DPP6: variants seen among roughly 807,000 people sequenced by gnomAD.
The protein encoded by DPP6 is dipeptidyl peptidase like 6.
DPP6 carries 69 observed loss-of-function variants against 122.6 expected under a neutral mutation model. That is an observed-to-expected ratio of 0.56 (90% CI 0.46 to 0.69). The LOEUF (loss-of-function observed/expected upper bound fraction) is 0.69, where lower values mean the gene tolerates loss of function less well. Among genes scored for constraint, DPP6 ranks in the 30% least tolerant of loss-of-function variants. The probability of loss-of-function intolerance (pLI) is 0.00; values close to 1 mark genes in which losing one functional copy is unlikely to be tolerated. For synonymous variants in DPP6, 418 were observed against 433.1 expected, an observed-to-expected ratio of 0.97 and a Z score of 0.43; for missense variants, 928 against 1,116.9, an observed-to-expected ratio of 0.83 and a Z score of 2.41.
intron 7 of DPP6, among the ~76,000 whole-genome samples, chr7:154,702,871 C>T (rs1840601880): frequency 6.6e-6 from 1 of 152,206 alleles, no homozygotes; most frequent in African/African-American, 2.4e-5. Flanking sequence ...AAGATGATGC[C>T]ATCTAGGACT....
At chr7:153,838,606 A>G in the DPP6 span, among the ~76,000 whole-genome samples, 2 of 152,164 alleles carry the variant, frequency 1.3e-5, no homozygotes, top group African/African-American at 2.4e-5. Flanking sequence ...GAGAGGTTCC[A>G]CTGATTAAAA....
chr7:154,355,887 T>C (rs1811235100), intron 1 of DPP6, among the ~76,000 whole-genome samples: 1 of 152,202 alleles, frequency 6.6e-6, no homozygotes, highest in Admixed American at 6.5e-5. Context: ...ACTCACATAG[T>C]GGTTGAGATT....
intron 1 of DPP6, among the ~76,000 whole-genome samples, chr7:154,084,847 G>A (rs1395835477): frequency 4.0e-5 from 6 of 151,472 alleles, no homozygotes; most frequent in Non-Finnish European, 5.9e-5. Context: ...AAAATTAGCC[G>A]GGCATGGTGG....
intron 25 of DPP6, 91 bp from the exon 26 acceptor site, chr7:154,892,243 C>G: frequency 6.4e-7 from 1 of 1,561,376 alleles, no homozygotes. Context: ...GGACGGGGCC[C>G]AGGTTTCACT....
chr7:154,842,425 C>T (rs572965803), intron 16 of DPP6, among the ~76,000 whole-genome samples: 9 of 152,198 alleles, frequency 5.9e-5, no homozygotes, highest in Admixed American at 1.3e-4. Context: ...TTAATTACTT[C>T]GTTTTCCTCT....
chr7:154,778,255 TGGA>T (rs1446691850), intron 10 of DPP6, among the ~76,000 whole-genome samples: 1 of 152,122 alleles, frequency 6.6e-6, no homozygotes, highest in Non-Finnish European at 1.5e-5. Context: ...GAGCACCATG[TGGA>T]GACCTAGCAC....
At chr7:154,758,308 G>C (rs1182710906) in intron 8 of DPP6, among the ~76,000 whole-genome samples, 1 of 152,158 alleles carries the variant, frequency 6.6e-6, no homozygotes, top group Non-Finnish European at 1.5e-5. Flanking sequence ...GTTCTGTGTA[G>C]GACCACATGC....
At chr7:154,687,254 T>C (rs1839671280) in intron 7 of DPP6, among the ~76,000 whole-genome samples, 1 of 152,184 alleles carries the variant, frequency 6.6e-6, no homozygotes, top group South Asian at 2.1e-4. Flanking sequence ...TGTAATTGAG[T>C]CTTTTTCAGT....
intron 3 of DPP6, among the ~76,000 whole-genome samples, chr7:154,513,949 A>C (rs1471208870): frequency 1.3e-5 from 2 of 152,148 alleles, no homozygotes; most frequent in Non-Finnish European, 1.5e-5. Flanking sequence ...GTGATTTCCA[A>C]AGCCATAAAC....
chr7:154,383,542 G>A (rs1239070542), intron 1 of DPP6, among the ~76,000 whole-genome samples: 1 of 152,158 alleles, frequency 6.6e-6, no homozygotes, highest in Non-Finnish European at 1.5e-5. Flanking sequence ...ATAATTACAT[G>A]AAAAAATATG....
At chr7:153,917,939 A>G (rs1381097877) in intron 1 of DPP6, among the ~76,000 whole-genome samples, 1 of 152,212 alleles carries the variant, frequency 6.6e-6, no homozygotes, top group Non-Finnish European at 1.5e-5. Context: ...CAATTCAGAA[A>G]ATTACAGATT....
At chr7:153,851,022 C>T in the DPP6 span, among the ~76,000 whole-genome samples, 1 of 152,164 alleles carries the variant, frequency 6.6e-6, no homozygotes. Context: ...CTGTCACATT[C>T]TTTAATGGTT....
At chr7:154,176,269 A>G (rs1031971981) in intron 1 of DPP6, among the ~76,000 whole-genome samples, 4 of 152,174 alleles carry the variant, frequency 2.6e-5, no homozygotes, top group Admixed American at 6.5e-5. Context: ...GGACCACTGC[A>G]TATTTCCTGA....
chr7:154,277,210 G>C (rs1804199492), intron 1 of DPP6, among the ~76,000 whole-genome samples: 1 of 152,142 alleles, frequency 6.6e-6, no homozygotes, highest in South Asian at 2.1e-4. Context: ...AGCACCATGA[G>C]TATTGATTTG....
At chr7:153,887,906 G>A (rs1227331707) in intron 1 of DPP6, among the ~76,000 whole-genome samples, 1 of 152,194 alleles carries the variant, frequency 6.6e-6, no homozygotes, top group Admixed American at 6.5e-5. Context: ...AGCGGCAGGG[G>A]GATGCGGAGG....
At chr7:153,947,082 TTAAAAA>T (rs1801981625) in intron 1 of DPP6, among the ~76,000 whole-genome samples, 1 of 152,068 alleles carries the variant, frequency 6.6e-6, no homozygotes, top group Non-Finnish European at 1.5e-5. Context: ...CAGAAGCAGT[TTAAAAA>T]TAAAATCTCT....
the DPP6 span, among the ~76,000 whole-genome samples, chr7:153,841,273 G>A: frequency 2.6e-4 from 39 of 152,300 alleles, no homozygotes; most frequent in African/African-American, 8.9e-4. Flanking sequence ...CGTTTTGAAA[G>A]TCAGAATATC....
rs1188631477 is a variant in DPP6, at chr7:154,610,931, G to A, written c.628-26890G>A. Among the ~76,000 whole-genome samples, 5 of 152,192 alleles carry A rather than the reference G, an allele frequency of 3.3e-5. No homozygotes were observed. The South Asian group carries it at 1.0e-3, about 32-fold the overall frequency. On this transcript the variant is annotated intron_variant, in intron 5 of 25. Transcript: ENST00000377770. ...TTCCAACTTCTAACCTCTCACCTTT[G>A]TAAGACATTGACACTGAATCATCTT...
chr7:153,929,186 G>T lies in DPP6; in HGVS notation c.51+41452G>T, dbSNP rs1046917598. Among the ~76,000 whole-genome samples the T allele has an allele frequency of 7.2e-5, 11 of 152,134 alleles. No individual in the cohort carries two copies. In the East Asian group the frequency reaches 1.9e-3, roughly 27 times the overall value. On this transcript the variant is annotated intron_variant, in intron 1 of 25. Transcript: ENST00000404039. ...GGGCTGAAGCAGGGACACCCTTCAG[G>T]AGGCTGTTTCTCTAATTCAGCCAAC... is the stretch of plus-strand genomic sequence containing the variant.
Sources: allele counts gnomAD v4.1 joint callset (sites outside exome capture counted in the v4.1 genomes callset), GRCh38; gene constraint gnomAD v4.1.1; transcripts MANE v1.5; gene names NCBI Gene and HGNC (gene_info 2026-07-23, HGNC 2026-07-21).